KIAA1217: variants seen among roughly 807,000 people sequenced by gnomAD.
KIAA1217 encodes the protein sickle tail protein homolog.
Under a neutral mutation model 163.9 loss-of-function variants are expected in KIAA1217, and 88 were observed. That is an observed-to-expected ratio of 0.54 (90% CI 0.45 to 0.64). The LOEUF (loss-of-function observed/expected upper bound fraction) is 0.64. KIAA1217 is among the 30% of genes least tolerant of loss of function. The pLI is 0.00. For synonymous variants in KIAA1217, 903 were observed against 923.1 expected, an observed-to-expected ratio of 0.98 and a Z score of 0.39; for missense variants, 2,372 against 2,475.0, an observed-to-expected ratio of 0.96 and a Z score of 0.88.
intron 4 of KIAA1217, among the ~76,000 whole-genome samples, chr10:24,437,304 A>G (rs974790241): frequency 2.6e-5 from 4 of 152,180 alleles, no homozygotes; most frequent in South Asian, 2.1e-4. Flanking sequence ...CTAACAAGCT[A>G]CTGGAGCAAC....
intron 1 of KIAA1217, among the ~76,000 whole-genome samples, chr10:23,994,564 T>G (rs900071227): frequency 2.0e-5 from 3 of 152,218 alleles, no homozygotes; most frequent in Admixed American, 6.5e-5. Flanking sequence ...CAGCAGCCTT[T>G]TTTGAAGGTG....
At chr10:23,727,520 A>C (rs746313579) in intron 1 of KIAA1217, among the ~76,000 whole-genome samples, 1 of 152,074 alleles carries the variant, frequency 6.6e-6, no homozygotes, top group Non-Finnish European at 1.5e-5. Context: ...AGATCACCCC[A>C]CTGCACTCCA....
intron 1 of KIAA1217, among the ~76,000 whole-genome samples, chr10:23,998,764 G>A (rs1846613344): frequency 6.6e-6 from 1 of 152,260 alleles, no homozygotes; most frequent in Non-Finnish European, 1.5e-5. Flanking sequence ...ATAAGCAGAG[G>A]GCCTTTGCAT....
chr10:24,356,694 GTCA>G (rs1252331427), intron 2 of KIAA1217, among the ~76,000 whole-genome samples: 1 of 152,208 alleles, frequency 6.6e-6, no homozygotes, highest in African/African-American at 2.4e-5. Context: ...CCCCTCCTCT[GTCA>G]CTCACACACA....
At chr10:24,270,195 T>G (rs1243871321) in intron 2 of KIAA1217, among the ~76,000 whole-genome samples, 1 of 152,232 alleles carries the variant, frequency 6.6e-6, no homozygotes, top group Non-Finnish European at 1.5e-5. Context: ...TAGTATACCT[T>G]TCACGTTCTG....
chr10:23,791,688 T>C (rs1835957536), intron 1 of KIAA1217, among the ~76,000 whole-genome samples: 1 of 152,218 alleles, frequency 6.6e-6, no homozygotes, highest in East Asian at 1.9e-4. Context: ...GTGTATACCA[T>C]AGTAATTTCT....
intron 2 of KIAA1217, among the ~76,000 whole-genome samples, chr10:24,239,890 G>A (rs142894926): frequency 1.3e-4 from 20 of 152,116 alleles, no homozygotes; most frequent in African/African-American, 4.3e-4. Flanking sequence ...TCTCACCGAG[G>A]CATTTTTCCC....
intron 2 of KIAA1217, among the ~76,000 whole-genome samples, chr10:24,182,438 T>TCACACACA (rs3222547): frequency 0.02 from 2,925 of 144,936 alleles, 57 homozygotes; most frequent in South Asian, 0.057. Context: ...CAAGACTCCA[T>TCACACACA]CACACACACA....
intron 2 of KIAA1217, among the ~76,000 whole-genome samples, chr10:24,049,645 T>C (rs1849338318): frequency 6.6e-6 from 1 of 152,204 alleles, no homozygotes; most frequent in African/African-American, 2.4e-5. Context: ...ACTCATCCTT[T>C]TTTATGGCTG....
intron 1 of KIAA1217, 139 bp from the exon 2 acceptor site, chr10:24,219,487 G>C (rs1050664883): frequency 1.5e-6 from 1 of 647,290 alleles, no homozygotes; most frequent in Non-Finnish European, 2.4e-6. Flanking sequence ...CTGCAAAGCA[G>C]AAAAAGAAAG....
intron 2 of KIAA1217, among the ~76,000 whole-genome samples, chr10:24,164,593 T>TC (rs2065260141): frequency 6.6e-6 from 1 of 152,154 alleles, no homozygotes; most frequent in Non-Finnish European, 1.5e-5. Flanking sequence ...AAAAAGCTTG[T>TC]AGTTTGATGG....
At chr10:23,769,104 G>T (rs1564404581) in intron 1 of KIAA1217, among the ~76,000 whole-genome samples, 2 of 152,302 alleles carry the variant, frequency 1.3e-5, no homozygotes, top group South Asian at 2.1e-4. Flanking sequence ...GAGTTTTATT[G>T]TTACTCAAAT....
intron 1 of KIAA1217, among the ~76,000 whole-genome samples, chr10:23,941,787 T>C (rs1843779092): frequency 6.6e-6 from 1 of 152,174 alleles, no homozygotes; most frequent in South Asian, 2.1e-4. Context: ...TTAAATTTAG[T>C]CATGTTAGAG....
intron 1 of KIAA1217, among the ~76,000 whole-genome samples, chr10:23,866,202 G>A (rs150739143): frequency 2.6e-5 from 4 of 151,816 alleles, no homozygotes; most frequent in Non-Finnish European, 5.9e-5. Context: ...GTGTGATGTC[G>A]GGGGGAGATA....
At chr10:24,258,882 C>T (rs1231569024) in intron 2 of KIAA1217, among the ~76,000 whole-genome samples, 1 of 152,144 alleles carries the variant, frequency 6.6e-6, no homozygotes, top group Non-Finnish European at 1.5e-5. Context: ...CGTGAGCCAC[C>T]GCGCCCGGCC....
At chr10:23,829,799 T>C (rs1431411552) in intron 1 of KIAA1217, among the ~76,000 whole-genome samples, 3 of 152,230 alleles carry the variant, frequency 2.0e-5, no homozygotes, top group Non-Finnish European at 4.4e-5. Flanking sequence ...AACAATGCCT[T>C]GCATAGTTGT....
chr10:24,453,566 T>C (rs2061545886), intron 5 of KIAA1217, among the ~76,000 whole-genome samples: 1 of 152,244 alleles, frequency 6.6e-6, no homozygotes, highest in African/African-American at 2.4e-5. Flanking sequence ...AATAGAGCAA[T>C]ATTGGCTCAG....
chr10:24,209,118 G>T (rs2067746213), upstream of KIAA1217: 2 of 1,375,420 alleles, frequency 1.5e-6, no homozygotes, highest in East Asian at 4.6e-5. Context: ...CCCCCTCCCA[G>T]GCGCTTTCTG....
chr10:23,736,165 G>GT (rs1364538960), intron 1 of KIAA1217, among the ~76,000 whole-genome samples: 1 of 152,178 alleles, frequency 6.6e-6, no homozygotes, highest in Non-Finnish European at 1.5e-5. Context: ...CTTTGCACAT[G>GT]TTATTTAGGA....
Sources: gnomAD v4.1 joint callset for allele counts (sites outside exome capture counted in the v4.1 genomes callset) on GRCh38, gnomAD v4.1.1 for gene constraint, MANE v1.5 for transcripts, NCBI Gene and HGNC (gene_info 2026-07-23, HGNC 2026-07-21) for gene names.